MECOM: variants seen among roughly 807,000 people sequenced by gnomAD.
MECOM encodes histone-lysine N-methyltransferase MECOM.
MECOM carries 13 observed loss-of-function variants against 116.3 expected under a neutral mutation model. The ratio of observed to expected loss-of-function variants is 0.11; its 90% CI spans 0.07 to 0.18. MECOM has a LOEUF of 0.18. MECOM is among the 10% of genes least tolerant of loss of function. MECOM has a pLI of 1.00. For missense variants in MECOM, 1,299 were observed against 1,509.0 expected (o/e 0.86, Z 2.31); for synonymous variants, 528 against 535.2 (o/e 0.99, Z 0.19).
intron 1 of MECOM, among the ~76,000 whole-genome samples, chr3:169,646,864 T>C (rs893212521): frequency 2.0e-5 from 3 of 152,216 alleles, no homozygotes; most frequent in African/African-American, 7.2e-5. Context: ...CCAAGACATT[T>C]GGATCTCCCT....
intron 1 of MECOM, among the ~76,000 whole-genome samples, chr3:169,543,655 A>G (rs561402742): frequency 5.9e-5 from 9 of 152,350 alleles, no homozygotes; most frequent in African/African-American, 2.2e-4. Context: ...CAATTCTAAC[A>G]TGATAAAATG....
At chr3:169,584,544 G>C (rs545391139) in intron 1 of MECOM, among the ~76,000 whole-genome samples, 70 of 134,822 alleles carry the variant, frequency 5.2e-4, no homozygotes, top group African/African-American at 1.8e-3. Flanking sequence ...CAGCCTGGGC[G>C]AAAGAGCGAA....
rs1046857097 is a variant in MECOM, at chr3:169,409,921, C to T, written c.38-28397G>A. 2.0e-5 allele frequency among the ~76,000 whole-genome samples: 3 copies of T among 152,146 alleles called. No homozygotes were observed. In the East Asian group the frequency reaches 5.8e-4, roughly 29 times the overall value. ...GGGCTTTCCTAAACAACTGCTTAAACTTGTTTCTCTTTTCTGACAAGTGTG... is the reference window on the plus strand; with the variant it reads ...GGGCTTTCCTAAACAACTGCTTAAATTTGTTTCTCTTTTCTGACAAGTGTG... On this transcript the variant is annotated intron_variant, in intron 1 of 16. Transcript: ENST00000651503.
intron 1 of MECOM, among the ~76,000 whole-genome samples, chr3:169,600,050 C>A (rs1229393746): frequency 1.3e-5 from 2 of 152,086 alleles, no homozygotes; most frequent in African/African-American, 4.8e-5. Flanking sequence ...CAGCTCACTG[C>A]AACCTCCACT....
chr3:169,150,255 T>A (rs557966024), intron 2 of MECOM, among the ~76,000 whole-genome samples: 18 of 152,316 alleles, frequency 1.2e-4, no homozygotes, highest in African/African-American at 4.3e-4. Flanking sequence ...GAAAGAAGGT[T>A]AGAGGAAAAG....
rs770124328 is a variant in MECOM at position 169,115,913 on chromosome 3, C to A, written c.1959G>T (p.Ala653=). 2 of 1,614,040 alleles carry A rather than the reference C, an allele frequency of 1.2e-6. No homozygotes were observed. The highest frequency in any genetic ancestry group is 3.3e-5 in the Admixed American group (2 of 60,018). Residue 653 remains alanine, a synonymous_variant, in exon 8 of 17, where the codon GCG becomes GCT. Coordinates refer to ENST00000651503, the MANE Select transcript of MECOM (RefSeq NM_004991.4). ...TAGAATCATTCACAGCTCCTGACAC[C>A]GCAGTCTGCTCCTCTAAAGATGGTG... ...IFSPSLEEQT[A]VSGAVNDSIK...
intron 1 of MECOM, among the ~76,000 whole-genome samples, chr3:169,478,806 C>T (rs911511960): frequency 6.6e-6 from 1 of 151,980 alleles, no homozygotes; most frequent in Non-Finnish European, 1.5e-5. Flanking sequence ...AAACCATTTA[C>T]GTCATTTTAG....
At chr3:169,449,597 TAATC>T (rs1471455240) in intron 1 of MECOM, among the ~76,000 whole-genome samples, 1 of 152,168 alleles carries the variant, frequency 6.6e-6, no homozygotes, top group Non-Finnish European at 1.5e-5. Flanking sequence ...TAAAATAAGA[TAATC>T]AATCAAGCTA....
intron 1 of MECOM, among the ~76,000 whole-genome samples, chr3:169,443,965 T>C (rs1326013195): frequency 6.6e-6 from 1 of 152,328 alleles, no homozygotes; most frequent in East Asian, 1.9e-4. Context: ...AGAGAATTTC[T>C]TATAATCCCC....
At chr3:169,588,855 G>T (rs554848365) in intron 1 of MECOM, among the ~76,000 whole-genome samples, 3 of 151,272 alleles carry the variant, frequency 2.0e-5, no homozygotes, top group Admixed American at 6.6e-5. Flanking sequence ...TATGAATTGG[G>T]TTTTTTTTTA....
At chr3:169,592,578 G>T (rs187737778) in intron 1 of MECOM, among the ~76,000 whole-genome samples, 1 of 152,100 alleles carries the variant, frequency 6.6e-6, no homozygotes, top group Admixed American at 6.5e-5. Context: ...GCCTTTACTG[G>T]GTAACTTTTA....
intron 2 of MECOM, among the ~76,000 whole-genome samples, chr3:169,167,926 G>A (rs1743839943): frequency 6.6e-6 from 1 of 151,798 alleles, no homozygotes; most frequent in African/African-American, 2.4e-5. Context: ...TATCCACCCA[G>A]TGACTGACTC....
chr3:169,234,168 A>G (rs1577417757), intron 2 of MECOM, among the ~76,000 whole-genome samples: 1 of 152,052 alleles, frequency 6.6e-6, no homozygotes, highest in African/African-American at 2.4e-5. Flanking sequence ...CCTACCATGG[A>G]AAGAATAGAA....
intron 4 of MECOM, among the ~76,000 whole-genome samples, chr3:169,129,201 G>A (rs1388717024): frequency 2.0e-5 from 3 of 152,042 alleles, no homozygotes; most frequent in Non-Finnish European, 4.4e-5. Context: ...CGGGAAATGG[G>A]AAGAGACAGA....
intron 2 of MECOM, among the ~76,000 whole-genome samples, chr3:169,164,483 A>G (rs771769724): frequency 8.8e-4 from 134 of 152,248 alleles, no homozygotes; most frequent in Non-Finnish European, 1.5e-3. Flanking sequence ...TTAGGAAAAG[A>G]TACACGCGAA....
chr3:169,163,365 G>A (rs912623382), intron 2 of MECOM, among the ~76,000 whole-genome samples: 2 of 152,200 alleles, frequency 1.3e-5, no homozygotes, highest in African/African-American at 4.8e-5. Flanking sequence ...AATGTGGCAA[G>A]TGTATTGGGG....
At chr3:169,440,296 G>A (rs1743388668) in intron 1 of MECOM, among the ~76,000 whole-genome samples, 1 of 152,068 alleles carries the variant, frequency 6.6e-6, no homozygotes, top group African/African-American at 2.4e-5. Flanking sequence ...GCTGTACACA[G>A]CTCACAATCC....
chr3:169,264,100 A>C (rs1296561278), intron 2 of MECOM, among the ~76,000 whole-genome samples: 1 of 152,230 alleles, frequency 6.6e-6, no homozygotes, highest in Non-Finnish European at 1.5e-5. Context: ...TAGAATCAAA[A>C]CCTGAAATCT....
intron 1 of MECOM, among the ~76,000 whole-genome samples, chr3:169,547,159 G>T (rs992216329): frequency 1.3e-5 from 2 of 152,146 alleles, no homozygotes; most frequent in African/African-American, 4.8e-5. Context: ...CCCCCTTGCT[G>T]TTCTCATAAT....
Sources: allele counts gnomAD v4.1 joint callset (sites outside exome capture counted in the v4.1 genomes callset), GRCh38; gene constraint gnomAD v4.1.1; transcripts MANE v1.5; gene names NCBI Gene and HGNC (gene_info 2026-07-23, HGNC 2026-07-21).